The following TOX2 variants were observed in gnomAD, a reference collection of about 807,000 sequenced individuals.
The protein encoded by TOX2 is granulosa cell HMG box 1.
TOX2 carries 15 observed loss-of-function variants against 47.4 expected under a neutral mutation model. That is an observed-to-expected ratio of 0.32 (90% CI 0.21 to 0.49). TOX2 has a LOEUF of 0.49. Ranked by LOEUF, TOX2 falls within the 20% of genes least tolerant of loss-of-function variation. The pLI is 0.99. For missense variants in TOX2, 622 were observed against 673.1 expected (o/e 0.92, Z 0.84); for synonymous variants, 290 against 296.6 (o/e 0.98, Z 0.23).
intron 3 of TOX2, among the ~76,000 whole-genome samples, chr20:44,048,404 ATATATATATG>A (rs947661041): frequency 2.5e-4 from 33 of 132,680 alleles, no homozygotes; most frequent in East Asian, 1.0e-3. Context: ...ATATATATAT[ATATATATATG>A]TATAATTTAC....
chr20:43,936,664 A>C (rs894084167), intron 1 of TOX2, among the ~76,000 whole-genome samples: 1 of 152,136 alleles, frequency 6.6e-6, no homozygotes, highest in Non-Finnish European at 1.5e-5. Flanking sequence ...GGGCATGTGC[A>C]CCTGGGGCTC....
intron 3 of TOX2, among the ~76,000 whole-genome samples, chr20:44,044,195 C>T (rs1004857601): frequency 3.9e-5 from 6 of 152,052 alleles, no homozygotes; most frequent in Admixed American, 1.3e-4. Context: ...CCAAACACCA[C>T]GTGTTGTCAC....
intron 1 of TOX2, among the ~76,000 whole-genome samples, chr20:43,959,032 C>T (rs2069714589): frequency 6.6e-6 from 1 of 152,188 alleles, no homozygotes; most frequent in South Asian, 2.1e-4. Flanking sequence ...TCCTGGGTCT[C>T]CAGGAGACAG....
chr20:43,996,796 G>GC (rs11484218), intron 2 of TOX2, among the ~76,000 whole-genome samples: 22,507 of 151,904 alleles, frequency 0.15, 2,363 homozygotes, highest in African/African-American at 0.29. Context: ...ATTGCCAGAA[G>GC]CCCTCAGCAA....
chr20:43,945,504 T>C (rs932391801), intron 1 of TOX2, among the ~76,000 whole-genome samples: 1 of 152,226 alleles, frequency 6.6e-6, no homozygotes. Context: ...AGAAGTCTAA[T>C]TGCTGAATGA....
intron 3 of TOX2, among the ~76,000 whole-genome samples, chr20:44,050,935 A>G (rs997812275): frequency 3.9e-5 from 6 of 152,202 alleles, no homozygotes; most frequent in Non-Finnish European, 5.9e-5. Context: ...GTGCGTTGCT[A>G]TCATGCTGAC....
intron 6 of TOX2, among the ~76,000 whole-genome samples, chr20:44,065,350 T>C (rs1375191347): frequency 2.6e-5 from 4 of 152,154 alleles, no homozygotes; most frequent in African/African-American, 9.7e-5. Context: ...CAAACTGGTC[T>C]ATAACAGGCC....
intron 1 of TOX2, among the ~76,000 whole-genome samples, chr20:43,960,401 C>T (rs1405526488): frequency 3.3e-5 from 5 of 152,202 alleles, no homozygotes; most frequent in African/African-American, 1.2e-4. Flanking sequence ...ATCCTGGATC[C>T]GATGGCCATC....
At chr20:44,009,057 T>C (rs2070737018) in intron 3 of TOX2, among the ~76,000 whole-genome samples, 1 of 152,232 alleles carries the variant, frequency 6.6e-6, no homozygotes, top group African/African-American at 2.4e-5. Context: ...GCCTGCTTAG[T>C]TGATTTTCCT....
chr20:43,949,684 T>G (rs1401009954), intron 1 of TOX2, among the ~76,000 whole-genome samples: 3 of 152,216 alleles, frequency 2.0e-5, no homozygotes, highest in Non-Finnish European at 4.4e-5. Flanking sequence ...CTTGGACTCC[T>G]GTTTATTCTC....
Position 44,006,615 on chromosome 20 carries a change from G to A in TOX2, c.234G>A (p.Pro78=), listed in dbSNP as rs988257733. ...CCCCGATAACACCTCCCAACCTCCC[G>A]GAGCCATCCCTCCTGCACCTGGGGG... ...EIPPITPPNL[P]EPSLLHLGDH... Residue 78 remains proline, a synonymous_variant, in exon 3 of 9, where the codon CCG becomes CCA. Transcript: ENST00000341197. 2.2e-5 allele frequency: 36 copies of A among 1,613,894 alleles called. No homozygotes were observed. Among genetic ancestry groups the A allele is most frequent in the Non-Finnish European group, 2.8e-5 (33 of 1,180,004 alleles).
chr20:43,952,187 C>G (rs2069590705), intron 1 of TOX2, among the ~76,000 whole-genome samples: 1 of 152,146 alleles, frequency 6.6e-6, no homozygotes, highest in East Asian at 1.9e-4. Flanking sequence ...AGGCGTGAGC[C>G]ACTGCGCCCA....
intron 1 of TOX2, among the ~76,000 whole-genome samples, chr20:43,964,096 TAA>T (rs777776155): frequency 1.4e-5 from 2 of 141,400 alleles, no homozygotes; most frequent in African/African-American, 2.6e-5. Flanking sequence ...TAATGTAGTT[TAA>T]AAAAAAAAAA....
At chr20:44,045,550 G>A (rs6031320) in intron 3 of TOX2, among the ~76,000 whole-genome samples, 1 of 152,166 alleles carries the variant, frequency 6.6e-6, no homozygotes, top group Admixed American at 6.5e-5. Context: ...TAGAATTCTA[G>A]GTTATAGGAT....
chr20:43,971,861 A>G (rs1403391892), intron 1 of TOX2, among the ~76,000 whole-genome samples: 1 of 152,232 alleles, frequency 6.6e-6, no homozygotes, highest in Non-Finnish European at 1.5e-5. Flanking sequence ...AATAGAATAA[A>G]TGACTCTAAA....
At chr20:43,932,484 G>A (rs1220046892) in intron 1 of TOX2, among the ~76,000 whole-genome samples, 1 of 152,206 alleles carries the variant, frequency 6.6e-6, no homozygotes, top group Non-Finnish European at 1.5e-5. Flanking sequence ...AGGGAAGTTA[G>A]TAATAAAAAA....
At chr20:43,927,387 C>G (rs1422601283) in intron 1 of TOX2, among the ~76,000 whole-genome samples, 1 of 151,664 alleles carries the variant, frequency 6.6e-6, no homozygotes, top group Non-Finnish European at 1.5e-5. Flanking sequence ...TTTTTGGCAT[C>G]TCTTTTGGAA....
chr20:44,058,213 T>TG (rs11480427), intron 5 of TOX2, among the ~76,000 whole-genome samples: 17,183 of 152,222 alleles, frequency 0.11, 1,070 homozygotes, highest in African/African-American at 0.16. Context: ...GCCTGTAGCC[T>TG]GGGGCAAGTT....
intron 2 of TOX2, among the ~76,000 whole-genome samples, chr20:43,987,952 A>T (rs1345176172): frequency 8.4e-6 from 1 of 119,648 alleles, no homozygotes; most frequent in East Asian, 2.3e-4. Context: ...ACAGTGTCTC[A>T]CTCTGTCGCC....
Sources: allele counts gnomAD v4.1 joint callset (sites outside exome capture counted in the v4.1 genomes callset), GRCh38; gene constraint gnomAD v4.1.1; transcripts MANE v1.5; gene names NCBI Gene and HGNC (gene_info 2026-07-23, HGNC 2026-07-21).